SLIT2: variants seen among roughly 807,000 people sequenced by gnomAD.
The protein encoded by SLIT2 is slit homolog 2 protein.
SLIT2 carries 41 observed loss-of-function variants against 185.7 expected under a neutral mutation model. The ratio of observed to expected loss-of-function variants is 0.22; its 90% CI spans 0.17 to 0.29. The LOEUF is 0.29. Ranked by LOEUF, SLIT2 falls within the 10% of genes least tolerant of loss-of-function variation. The probability of loss-of-function intolerance (pLI) is 1.00; values close to 1 mark genes in which losing one functional copy is unlikely to be tolerated. For missense variants in SLIT2, 1,571 were observed against 1,909.0 expected, an observed-to-expected ratio of 0.82 and a Z score of 3.30; for synonymous variants, 693 against 680.2, an observed-to-expected ratio of 1.02 and a Z score of -0.29.
chr4:20,414,333 G>T (rs952779180), intron 4 of SLIT2, among the ~76,000 whole-genome samples: 1 of 151,924 alleles, frequency 6.6e-6, no homozygotes, highest in Non-Finnish European at 1.5e-5. Flanking sequence ...CCCATCCTAG[G>T]TCTAACAAGG....
At chr4:20,378,504 G>A (rs1431455587) in intron 4 of SLIT2, among the ~76,000 whole-genome samples, 1 of 151,934 alleles carries the variant, frequency 6.6e-6, no homozygotes, top group East Asian at 1.9e-4. Flanking sequence ...TTTTAATTAG[G>A]AAAATGATCA....
At chr4:20,486,058 A>G (rs901431664) in intron 6 of SLIT2, 142 bp from the exon 7 acceptor site, 11 of 627,728 alleles carry the variant, frequency 1.8e-5, no homozygotes, top group Non-Finnish European at 2.9e-5. Flanking sequence ...ACTTGTCTAT[A>G]GAGTAGTGCA....
At chr4:20,472,303 G>GAT (rs1266183007) in intron 5 of SLIT2, among the ~76,000 whole-genome samples, 2 of 30,984 alleles carry the variant, frequency 6.5e-5, no homozygotes, top group Non-Finnish European at 9.8e-5. Flanking sequence ...TAGATATATA[G>GAT]ATCTATATAT....
intron 22 of SLIT2, among the ~76,000 whole-genome samples, chr4:20,546,538 A>T (rs559761178): frequency 6.6e-6 from 1 of 152,280 alleles, no homozygotes; most frequent in South Asian, 2.1e-4. Context: ...TATACAAAGC[A>T]TTGTTAAATA....
chr4:20,524,406 TA>T lies in SLIT2; in HGVS notation c.1438+234del, dbSNP rs562181846. 1.8e-4 allele frequency among the ~76,000 whole-genome samples: 27 copies of T among 152,354 alleles called. No individual in the cohort carries two copies. The East Asian group carries it at 4.2e-3, about 24-fold the overall frequency. The stretch of plus-strand genomic sequence containing the variant: ...AGAAGAAATAGGCAATTGACCAAGT[TA>T]AAAAGATGCCTAGATACTTCATAGT... On this transcript the variant is annotated intron_variant, in intron 14 of 36. Coordinates refer to ENST00000504154, the MANE Select transcript of SLIT2 (RefSeq NM_004787.4).
chr4:20,608,432 A>G (rs568576852), intron 33 of SLIT2, among the ~76,000 whole-genome samples: 220 of 152,266 alleles, frequency 1.4e-3, no homozygotes, highest in South Asian at 0.013. Flanking sequence ...CTATACTTAT[A>G]AAATAATTTT....
intron 4 of SLIT2, among the ~76,000 whole-genome samples, chr4:20,304,354 T>C (rs1717339549): frequency 6.6e-6 from 1 of 152,090 alleles, no homozygotes; most frequent in South Asian, 2.1e-4. Context: ...AAATAGGTAA[T>C]ACAGAGTGTA....
chr4:20,518,557 G>GTATTTA (rs1553916592), intron 11 of SLIT2, among the ~76,000 whole-genome samples: 1 of 17,848 alleles, frequency 5.6e-5, no homozygotes. Flanking sequence ...CAGCCTATAT[G>GTATTTA]TATATATATA....
At chr4:20,357,925 A>G (rs1722458298) in intron 4 of SLIT2, among the ~76,000 whole-genome samples, 1 of 152,058 alleles carries the variant, frequency 6.6e-6, no homozygotes, top group Non-Finnish European at 1.5e-5. Flanking sequence ...TATCCATTCA[A>G]GTTTATTTTA....
intron 33 of SLIT2, among the ~76,000 whole-genome samples, chr4:20,598,798 A>G (rs56411745): frequency 0.033 from 5,017 of 152,240 alleles, 107 homozygotes; most frequent in Non-Finnish European, 0.045. Flanking sequence ...GTTCTCAAGG[A>G]AACAACCAGC....
At chr4:20,513,796 A>G (rs1030190827) in intron 11 of SLIT2, among the ~76,000 whole-genome samples, 5 of 152,164 alleles carry the variant, frequency 3.3e-5, no homozygotes, top group African/African-American at 4.8e-5. Context: ...GATTTGAGCT[A>G]TGGGAGTGAA....
chr4:20,465,609 A>G (rs934106013), intron 4 of SLIT2, among the ~76,000 whole-genome samples: 5 of 152,176 alleles, frequency 3.3e-5, no homozygotes, highest in Non-Finnish European at 5.9e-5. Flanking sequence ...ACACTCTAAC[A>G]CTTTTGCAAA....
At position 20,472,635 on chromosome 4, in the gene SLIT2, TATCG is replaced by T. The variant is rs1715671903; in HGVS notation, c.467+4815_467+4818del. Among the ~76,000 whole-genome samples, 2 of 127,110 alleles carry T rather than the reference TATCG, an allele frequency of 1.6e-5. 1 individual carries two copies. Among genetic ancestry groups the T allele is most frequent in the African/African-American group, 5.6e-5 (2 of 35,674 alleles). 83.4% of individuals were successfully genotyped at this position (127,110 alleles called of 152,430 possible). A position where few individuals can be genotyped will look rare whatever the true frequency, so the allele number is the denominator to read the frequency against. On this transcript the variant is annotated intron_variant, in intron 5 of 36. Transcript: ENST00000504154. ...CTATATATATCGATATATCTATATATATCGATATATATATTTAAAAGCCTTAACA... is the reference window on the plus strand; with the variant it reads ...CTATATATATCGATATATCTATATATATATATATATTTAAAAGCCTTAACA...
intron 4 of SLIT2, among the ~76,000 whole-genome samples, chr4:20,432,597 G>A (rs953913628): frequency 6.6e-6 from 1 of 151,652 alleles, no homozygotes; most frequent in Non-Finnish European, 1.5e-5. Flanking sequence ...AGAGTTAATA[G>A]GTGTTGTTCC....
At chr4:20,399,069 G>T (rs980474617) in intron 4 of SLIT2, among the ~76,000 whole-genome samples, 1 of 151,456 alleles carries the variant, frequency 6.6e-6, no homozygotes, top group African/African-American at 2.4e-5. Flanking sequence ...AAGCAATCTT[G>T]TAAAACATGC....
intron 4 of SLIT2, among the ~76,000 whole-genome samples, chr4:20,378,466 C>T (rs996323837): frequency 6.6e-6 from 1 of 152,048 alleles, no homozygotes; most frequent in Non-Finnish European, 1.5e-5. Flanking sequence ...AAGGATTACT[C>T]ATGGAGTTTC....
At chr4:20,604,939 G>A (rs566218918) in intron 33 of SLIT2, among the ~76,000 whole-genome samples, 854 of 150,984 alleles carry the variant, frequency 5.7e-3, no homozygotes, top group Middle Eastern at 0.014. Context: ...GGGTTCAAGC[G>A]ATTCTCCTGC....
chr4:20,423,916 T>A (rs1728354095), intron 4 of SLIT2, among the ~76,000 whole-genome samples: 1 of 152,138 alleles, frequency 6.6e-6, no homozygotes, highest in Non-Finnish European at 1.5e-5. Flanking sequence ...TTTTGGCTCA[T>A]GTGATCAACT....
intron 4 of SLIT2, among the ~76,000 whole-genome samples, chr4:20,377,850 A>T (rs1158550270): frequency 6.6e-6 from 1 of 152,002 alleles, no homozygotes; most frequent in Non-Finnish European, 1.5e-5. Flanking sequence ...AATTCATACA[A>T]CGAGTAGCAA....
Sources: gnomAD v4.1 joint callset for allele counts (sites outside exome capture counted in the v4.1 genomes callset) on GRCh38, gnomAD v4.1.1 for gene constraint, MANE v1.5 for transcripts, NCBI Gene and HGNC (gene_info 2026-07-23, HGNC 2026-07-21) for gene names.